ACSS3: variants seen among roughly 807,000 people sequenced by gnomAD.
The protein encoded by ACSS3 is acyl-CoA synthetase short-chain family member 3, mitochondrial.
ACSS3 carries 64 observed loss-of-function variants against 84.2 expected under a neutral mutation model. The observed-to-expected ratio is 0.76, with a 90% CI of 0.62 to 0.94. The LOEUF is 0.94. ACSS3 is among the 40% of genes least tolerant of loss of function. The pLI, the probability that ACSS3 is intolerant of heterozygous loss-of-function variation, is 0.00. For synonymous variants in ACSS3, 317 were observed against 310.1 expected (o/e 1.02, Z -0.23); for missense variants, 815 against 867.6 (o/e 0.94, Z 0.76).
intron 7 of ACSS3, among the ~76,000 whole-genome samples, chr12:81,154,309 C>T (rs1487517031): frequency 6.6e-6 from 1 of 152,034 alleles, no homozygotes; most frequent in East Asian, 1.9e-4. Flanking sequence ...TTACCATGGG[C>T]TTTTATTGTT....
chr12:81,140,967 A>G, intron 4 of ACSS3, among the ~76,000 whole-genome samples: 1 of 152,158 alleles, frequency 6.6e-6, no homozygotes, highest in East Asian at 1.9e-4. Context: ...TGCTGTTTCT[A>G]GCCTTATTTT....
In ACSS3 at chr12:81,255,936, G is replaced by C. The variant is rs1292248062; in HGVS notation, c.*1014G>C. ...CTTAGTTGACTATGTTTATCCAAAT[G>C]ATTCCAGATTCCTGTGGAAACAAGG... is the stretch of plus-strand genomic sequence containing the variant. On this transcript the variant is annotated 3_prime_UTR_variant, in exon 16 of 16. Transcript: ENST00000548058. 1 of 152,202 alleles carries C rather than the reference G, an allele frequency of 6.6e-6. No homozygotes were observed. Among genetic ancestry groups the C allele is most frequent in the African/African-American group, 2.4e-5 (1 of 41,450 alleles). 9.4% of individuals were successfully genotyped at this position (152,202 alleles called of 1,614,324 possible).
At chr12:81,213,888 T>C (rs1484089612) in intron 9 of ACSS3, among the ~76,000 whole-genome samples, 206 of 87,602 alleles carry the variant, frequency 2.4e-3, no homozygotes, top group Non-Finnish European at 4.2e-3. Flanking sequence ...TTCTTTCCTT[T>C]CTTTCTTTCT....
intron 13 of ACSS3, among the ~76,000 whole-genome samples, chr12:81,247,140 C>A (rs1025272100): frequency 6.6e-6 from 1 of 151,988 alleles, no homozygotes; most frequent in Non-Finnish European, 1.5e-5. Context: ...TTTGTGATAA[C>A]CTGAAATTGA....
Position 81,233,399 on chromosome 12 carries a change from G to A in ACSS3, c.1647G>A (p.Leu549=), listed in dbSNP as rs372573085. The A allele has an allele frequency of 3.1e-6, 5 of 1,611,086 alleles. No homozygotes were observed. In the South Asian group the frequency reaches 5.5e-5, roughly 18 times the overall value. ...DAGYMDEEGY[L]YVMSRVDDVI... is the part of the protein sequence containing the mutation. ...GTTACATGGATGAAGAAGGCTATTT[G>A]TATGTTATGTCTCGAGTGGATGATG... The change falls in exon 13 of 16, where the codon TTG becomes TTA. Residue 549 remains leucine (L), a synonymous_variant. Coordinates refer to ENST00000548058, the MANE Select transcript of ACSS3 (RefSeq NM_024560.4).
rs1378875274 is a variant in ACSS3, at chr12:81,154,398, A to G, written c.1098+2302A>G. Among the ~76,000 whole-genome samples the G allele has an allele frequency of 3.3e-5, 5 of 152,340 alleles. No individual in the cohort carries two copies. The East Asian group carries it at 9.6e-4, about 29-fold the overall frequency. On this transcript the variant is annotated intron_variant, in intron 7 of 15. Coordinates refer to ENST00000548058, the MANE Select transcript of ACSS3 (RefSeq NM_024560.4). Reference sequence around the variant, plus strand: ...TCTATGTTGGAATGATTTGCTCAAGAAGAGTGTAGATGCTCTATAAATATT... The same window carrying G: ...TCTATGTTGGAATGATTTGCTCAAGGAGAGTGTAGATGCTCTATAAATATT...
intron 9 of ACSS3, among the ~76,000 whole-genome samples, chr12:81,215,482 AG>A (rs1210639017): frequency 6.6e-6 from 1 of 152,220 alleles, no homozygotes; most frequent in Non-Finnish European, 1.5e-5. Flanking sequence ...GAAGGTAAAG[AG>A]CAGTAATAAA....
chr12:81,194,378 T>C (rs2031726809), intron 8 of ACSS3, among the ~76,000 whole-genome samples: 2 of 151,870 alleles, frequency 1.3e-5, no homozygotes, highest in Admixed American at 6.6e-5. Context: ...ATTGATAAAA[T>C]AACAATAACT....
chr12:81,147,927 A>G (rs1219803478), intron 5 of ACSS3, among the ~76,000 whole-genome samples: 1 of 152,080 alleles, frequency 6.6e-6, no homozygotes, highest in Non-Finnish European at 1.5e-5. Flanking sequence ...ATACATATAC[A>G]TAAGCATATA....
At chr12:81,176,432 G>C (rs2030483111) in intron 8 of ACSS3, among the ~76,000 whole-genome samples, 1 of 152,002 alleles carries the variant, frequency 6.6e-6, no homozygotes, top group Non-Finnish European at 1.5e-5. Context: ...AGCCAGGTGT[G>C]GTGGTGTGGG....
chr12:81,078,458 T>TC, intron 1 of ACSS3, 27 bp downstream of exon 1: 2 of 1,605,780 alleles, frequency 1.2e-6, no homozygotes, highest in Non-Finnish European at 1.7e-6. Flanking sequence ...CCAACCCTGA[T>TC]CCCCCATCCC....
intron 9 of ACSS3, among the ~76,000 whole-genome samples, chr12:81,214,531 G>T (rs1020788269): frequency 2.0e-5 from 3 of 152,082 alleles, no homozygotes; most frequent in Non-Finnish European, 4.4e-5. Context: ...TAATCATAAT[G>T]TATAAAAAAG....
At chr12:81,096,281 T>C (rs1211698243) in intron 1 of ACSS3, among the ~76,000 whole-genome samples, 2 of 152,186 alleles carry the variant, frequency 1.3e-5, no homozygotes, top group Admixed American at 1.3e-4. Flanking sequence ...CAGGAGAGTA[T>C]ATTACATTTC....
chr12:81,245,788 ATTG>A (rs1416536672), intron 13 of ACSS3, among the ~76,000 whole-genome samples: 1 of 151,820 alleles, frequency 6.6e-6, no homozygotes, highest in South Asian at 2.1e-4. Context: ...TGTTTCTGTT[ATTG>A]TTTTTTATTT....
intron 4 of ACSS3, among the ~76,000 whole-genome samples, chr12:81,142,632 A>G (rs1178770622): frequency 6.6e-6 from 1 of 152,216 alleles, no homozygotes; most frequent in Non-Finnish European, 1.5e-5. Context: ...TTGGAAAGGT[A>G]GCTGTGGTAT....
chr12:81,253,541 C>G lies in ACSS3; in HGVS notation c.1866C>G (p.His622Gln). Residue 622 changes from histidine (H) to glutamine (Q), a missense_variant, in exon 15 of 16, where the codon CAC (histidine) becomes CAG (glutamine). By Grantham distance (24) the His-to-Gln change is conservative. Coordinates refer to ENST00000548058, the MANE Select transcript of ACSS3 (RefSeq NM_024560.4). ...EEQVLEEIVKHVRQNIGPVAA... is the reference protein window; with the variant it reads ...EEQVLEEIVKQVRQNIGPVAA... ...AAGTTTTGGAAGAAATTGTGAAACA[C>G]GTTAGACAGAACATTGGCCCTGTGG... 2 of 1,613,946 alleles carry G rather than the reference C, an allele frequency of 1.2e-6. No individual in the cohort carries two copies. The highest frequency in any genetic ancestry group is 1.1e-5 in the South Asian group (1 of 91,080).
At chr12:81,107,638 G>A (rs749122447) in intron 1 of ACSS3, among the ~76,000 whole-genome samples, 6 of 147,692 alleles carry the variant, frequency 4.1e-5, no homozygotes, top group Admixed American at 2.7e-4. Flanking sequence ...TTTTGTTGGT[G>A]TGTTAGATAT....
intron 12 of ACSS3, among the ~76,000 whole-genome samples, chr12:81,232,170 A>G (rs1674634159): frequency 6.6e-6 from 1 of 151,770 alleles, no homozygotes; most frequent in African/African-American, 2.4e-5. Context: ...TATCTGCATG[A>G]TGGGCCACAG....
chr12:81,161,718 C>T (rs1387885946), intron 7 of ACSS3, among the ~76,000 whole-genome samples: 3 of 152,198 alleles, frequency 2.0e-5, no homozygotes, highest in Non-Finnish European at 2.9e-5. Flanking sequence ...GCCCACTTGT[C>T]CTGGCAGGCT....
Sources: gnomAD v4.1 joint callset for allele counts (sites outside exome capture counted in the v4.1 genomes callset) on GRCh38, gnomAD v4.1.1 for gene constraint, MANE v1.5 for transcripts, NCBI Gene and HGNC (gene_info 2026-07-23, HGNC 2026-07-21) for gene names.